The following MAT2B variants were observed in gnomAD, a reference collection of about 807,000 sequenced individuals.
The protein encoded by MAT2B is methionine adenosyltransferase 2 non-catalytic beta subunit.
In MAT2B, 16 loss-of-function variants were observed where a neutral mutation model predicts 36.1. The observed-to-expected ratio is 0.44, with a 90% CI of 0.30 to 0.67. MAT2B has a LOEUF of 0.67. Ranked by LOEUF, MAT2B falls within the 30% of genes least tolerant of loss-of-function variation. The pLI, the probability that MAT2B is intolerant of heterozygous loss-of-function variation, is 0.09. For missense variants in MAT2B, 332 were observed against 398.2 expected, an observed-to-expected ratio of 0.83 and a Z score of 1.42; for synonymous variants, 148 against 136.9, an observed-to-expected ratio of 1.08 and a Z score of -0.57.
chr5:163,514,815 T>G (rs1180080942), intron 4 of MAT2B, among the ~76,000 whole-genome samples: 1 of 152,228 alleles, frequency 6.6e-6, no homozygotes, highest in Non-Finnish European at 1.5e-5. Context: ...AAAGTTTTCT[T>G]GTATTATAAA....
In MAT2B at chr5:163,518,440, A is replaced by G; in HGVS notation, c.*77A>G. 8.2e-7 allele frequency: 1 copy of G among 1,216,532 alleles called. No homozygotes were observed. The highest frequency in any genetic ancestry group is 1.1e-6 in the Non-Finnish European group (1 of 872,892). The allele number at this position is 1,216,532 out of a possible 1,614,324, so 75.4% of individuals were successfully genotyped here. A position where few individuals can be genotyped will look rare whatever the true frequency, so the allele number is the denominator to read the frequency against. Reference sequence around the variant, plus strand: ...GCACTTTTTAAAGAACAAAGGAAATAGTTTTGTATGAGTACTTTAATTGTG... The same window carrying G: ...GCACTTTTTAAAGAACAAAGGAAATGGTTTTGTATGAGTACTTTAATTGTG... On this transcript the variant is annotated 3_prime_UTR_variant, in exon 7 of 7. Transcript: ENST00000321757.
intron 1 of MAT2B, among the ~76,000 whole-genome samples, chr5:163,510,547 A>G (rs935457972): frequency 7.2e-5 from 11 of 151,974 alleles, no homozygotes; most frequent in African/African-American, 2.4e-4. Flanking sequence ...GGCACCTGCA[A>G]CCACGCCTGG....
chr5:163,516,870 T>G, intron 5 of MAT2B, 159 bp downstream of exon 5: 1 of 635,108 alleles, frequency 1.6e-6, no homozygotes, highest in Non-Finnish European at 2.8e-6. Flanking sequence ...TACACTGTAT[T>G]CATGAAGAAT....
At chr5:163,503,355 A>T, upstream of MAT2B, 3 of 1,604,972 alleles carry the variant, frequency 1.9e-6, no homozygotes, top group Non-Finnish European at 2.6e-6. Flanking sequence ...AGAGGCTAAG[A>T]CCCATCCCGT....
At chr5:163,518,138 CA>C in intron 6 of MAT2B, 54 bp from the exon 7 acceptor site, 1 of 1,355,812 alleles carries the variant, frequency 7.4e-7, no homozygotes, top group Non-Finnish European at 1.0e-6. Context: ...ACAAAGCCCT[CA>C]AAATATAGCC....
At chr5:163,503,539 G>A, upstream of MAT2B, 1 of 972,100 alleles carries the variant, frequency 1.0e-6, no homozygotes, top group Non-Finnish European at 1.6e-6. Context: ...AGAAACGGGT[G>A]TCATTCATTT....
At chr5:163,506,896 A>T (rs17601374) in intron 1 of MAT2B, among the ~76,000 whole-genome samples, 18,530 of 152,252 alleles carry the variant, frequency 0.12, 1,496 homozygotes, top group South Asian at 0.23. Context: ...TACTGCTCTC[A>T]AAACCTGTAG....
At chr5:163,504,440 A>G (rs1358058235), upstream of MAT2B, among the ~76,000 whole-genome samples, 1 of 152,176 alleles carries the variant, frequency 6.6e-6, no homozygotes, top group Non-Finnish European at 1.5e-5. Flanking sequence ...GGGGTTGAGG[A>G]GGAAGGAAAG....
chr5:163,508,631 T>G (rs1271921828), intron 1 of MAT2B, among the ~76,000 whole-genome samples: 1 of 152,120 alleles, frequency 6.6e-6, no homozygotes, highest in South Asian at 2.1e-4. Flanking sequence ...TTGTTTGTTT[T>G]TTTGAGATGA....
Position 163,518,503 on chromosome 5 carries a change from T to A in MAT2B, c.*140T>A. On this transcript the variant is annotated 3_prime_UTR_variant, in exon 7 of 7. Transcript: ENST00000321757. ...TTTCAGGTAAATGATGCTCTTGCACTAGTGAAATTGTCTAAAGAAACTAAA... is the reference window on the plus strand; with the variant it reads ...TTTCAGGTAAATGATGCTCTTGCACAAGTGAAATTGTCTAAAGAAACTAAA... 1 of 635,432 alleles carries A rather than the reference T, an allele frequency of 1.6e-6. No homozygotes were observed. The highest frequency in any genetic ancestry group is 2.5e-6 in the Non-Finnish European group (1 of 402,124). 39.4% of individuals were successfully genotyped at this position (635,432 alleles called of 1,614,324 possible).
At position 163,513,572 on chromosome 5, in the gene MAT2B, T is replaced by C. The variant is rs1272849502; in HGVS notation, c.276T>C (p.His92=). The change falls in exon 3 of 7, where the codon CAT becomes CAC. Residue 92 remains histidine (H), a synonymous_variant. Coordinates refer to ENST00000321757, the MANE Select transcript of MAT2B (RefSeq NM_013283.5). ...IHDFQPHVIV[H]CAAERRPDVV... ...ACTTCTAGCCCCATGTTATAGTACATTGTGCAGCAGAGAGAAGACCAGATG... is the reference window on the plus strand; with the variant it reads ...ACTTCTAGCCCCATGTTATAGTACACTGTGCAGCAGAGAGAAGACCAGATG... 29 of 1,608,056 alleles carry C rather than the reference T, an allele frequency of 1.8e-5. No individual in the cohort carries two copies. The highest frequency in any genetic ancestry group is 2.4e-5 in the Non-Finnish European group (28 of 1,174,876).
At chr5:163,512,847 ATTG>A in intron 2 of MAT2B, 1 of 326,778 alleles carries the variant, frequency 3.1e-6, no homozygotes, top group South Asian at 2.2e-5. Context: ...CACCTGGCTA[ATTG>A]TTGTATTTCT....
intron 2 of MAT2B, chr5:163,512,417 C>T: frequency 1.8e-6 from 1 of 567,760 alleles, no homozygotes; most frequent in Non-Finnish European, 3.1e-6. Context: ...TTATAAAATG[C>T]TTATGTTTAT....
In MAT2B at chr5:163,506,897, A is replaced by G. The variant is rs1448201812; in HGVS notation, c.63+1148A>G. ...GCTTGGCACAGACTTACTGCTCTCA[A>G]AACCTGTAGAATTAAAGCTTACTGA... On this transcript the variant is annotated intron_variant, in intron 1 of 6. Transcript: ENST00000321757. Among the ~76,000 whole-genome samples, 5 of 152,214 alleles carry G rather than the reference A, an allele frequency of 3.3e-5. No individual in the cohort carries two copies. In the East Asian group the frequency reaches 9.6e-4, roughly 29 times the overall value.
At chr5:163,518,063 G>C in intron 6 of MAT2B, 130 bp from the exon 7 acceptor site, 1 of 624,150 alleles carries the variant, frequency 1.6e-6, no homozygotes, top group Non-Finnish European at 2.6e-6. Flanking sequence ...GACTAGCCTG[G>C]GCAATGGAGG....
chr5:163,505,824 C>T (rs1004688606), intron 1 of MAT2B, 75 bp downstream of exon 1: 4 of 1,163,110 alleles, frequency 3.4e-6, no homozygotes, highest in Non-Finnish European at 3.3e-6. Context: ...GCTCGGGCGG[C>T]TTTGCAGGCG....
intron 1 of MAT2B, among the ~76,000 whole-genome samples, chr5:163,510,806 C>G (rs755174434): frequency 1.1e-4 from 16 of 152,004 alleles, no homozygotes; most frequent in Non-Finnish European, 2.2e-4. Flanking sequence ...TTTTTTTCCT[C>G]CTCGTATATT....
intron 1 of MAT2B, among the ~76,000 whole-genome samples, chr5:163,508,222 T>C (rs543021331): frequency 1.6e-4 from 24 of 152,300 alleles, no homozygotes; most frequent in Non-Finnish European, 3.2e-4. Flanking sequence ...AAATAATATC[T>C]CTTCTAACAA....
rs1166544382 is a variant in MAT2B at position 163,518,640 on chromosome 5, G to T, written c.*277G>T. On this transcript the variant is annotated 3_prime_UTR_variant, in exon 7 of 7. Transcript: ENST00000321757. ...TGATCCTTAAATATTTGAGAGTCAG[G>T]ATGAAGCAGATCTGCTGTAGACTTT... 1 of 231,490 alleles carries T rather than the reference G, an allele frequency of 4.3e-6. No homozygotes were observed. The highest frequency in any genetic ancestry group is 8.3e-6 in the Non-Finnish European group (1 of 120,290). The allele number at this position is 231,490 out of a possible 1,614,324, so 14.3% of individuals were successfully genotyped here.
Sources: gnomAD v4.1 joint callset for allele counts (sites outside exome capture counted in the v4.1 genomes callset) on GRCh38, gnomAD v4.1.1 for gene constraint, MANE v1.5 for transcripts, NCBI Gene and HGNC (gene_info 2026-07-23, HGNC 2026-07-21) for gene names.